Variants in TTR observed in about 807,000 individuals in gnomAD.
TTR encodes the protein transthyretin, also known as epididymis luminal protein 111.
TTR carries 8 observed loss-of-function variants against 13.7 expected under a neutral mutation model. The observed-to-expected ratio is 0.58, with a 90% CI of 0.34 to 1.05. The LOEUF is 1.05. Among genes scored for constraint, TTR ranks in the 50% least tolerant of loss-of-function variants. TTR has a pLI of 0.02. For missense variants in TTR, 135 were observed against 185.5 expected (o/e 0.73, Z 1.58); for synonymous variants, 75 against 71.7 (o/e 1.05, Z -0.23).
Position 31,595,131 on chromosome 18 carries a change from A to T in TTR, c.212A>T (p.Glu71Val). The T allele has an allele frequency of 6.2e-7, 1 of 1,614,136 alleles. No individual in the cohort carries two copies. Residue 71 changes from glutamate (E) to valine (V), a missense_variant, in exon 3 of 4, where the codon GAG (glutamate) becomes GTG (valine). By Grantham distance (121) the Glu-to-Val change is moderately radical. Coordinates refer to ENST00000237014, the MANE Select transcript of TTR (RefSeq NM_000371.4). ...WEPFASGKTS[E>V]SGELHGLTTE... ...TTCACACCTTATAGGAAAACCAGTG[A>T]GTCTGGAGAGCTGCATGGGCTCACA... is the stretch of plus-strand genomic sequence containing the variant.
intron 3 of TTR, chr18:31,595,794 A>G (rs764965129): frequency 3.4e-6 from 1 of 290,474 alleles, no homozygotes; most frequent in Non-Finnish European, 6.7e-6. Context: ...TGTTTTCCAT[A>G]TTTAACCTAC....
chr18:31,595,395 T>A, intron 3 of TTR, 140 bp downstream of exon 3: 1 of 1,234,378 alleles, frequency 8.1e-7, no homozygotes, highest in Non-Finnish European at 1.2e-6. Flanking sequence ...TTTCCTATTA[T>A]ACAAGAAAAA....
chr18:31,592,659 T>A (rs1191192846), intron 1 of TTR, among the ~76,000 whole-genome samples: 1 of 152,204 alleles, frequency 6.6e-6, no homozygotes, highest in Admixed American at 6.5e-5. Context: ...TAAAATTCAT[T>A]ATACACATCC....
At chr18:31,592,818 A>G in intron 1 of TTR, 78 bp from the exon 2 acceptor site, 1 of 1,594,830 alleles carries the variant, frequency 6.3e-7, no homozygotes, top group East Asian at 2.3e-5. Context: ...TTCGCTCCAG[A>G]TTTCTAATAC....
In TTR at chr18:31,595,208, T is replaced by C; in HGVS notation, c.289T>C (p.Ser97Pro). 6.2e-7 allele frequency: 1 copy of C among 1,614,138 alleles called. No individual in the cohort carries two copies. Among genetic ancestry groups the C allele is most frequent in the African/African-American group, 1.3e-5 (1 of 75,024 alleles). Residue 97 changes from serine to proline, a missense_variant, in exon 3 of 4, where the codon TCT becomes CCT. Ser to Pro is a moderately conservative substitution (Grantham distance 74). Transcript: ENST00000237014. ...GIYKVEIDTK[S>P]YWKALGISPF... ...ATACAAAGTGGAAATAGACACCAAA[T>C]CTTACTGGAAGGCACTTGGCATCTC...
intron 3 of TTR, 74 bp from the exon 4 acceptor site, chr18:31,598,494 T>C: frequency 7.2e-7 from 1 of 1,393,178 alleles, no homozygotes; most frequent in Non-Finnish European, 1.0e-6. Context: ...GGACTTCCGG[T>C]GGTCAGTCAT....
intron 3 of TTR, among the ~76,000 whole-genome samples, chr18:31,596,745 C>T (rs971589334): frequency 6.6e-6 from 1 of 151,784 alleles, no homozygotes; most frequent in Non-Finnish European, 1.5e-5. Flanking sequence ...GAAAATACAT[C>T]CCGACCCTTG....
chr18:31,595,323 C>T (rs765022614), intron 3 of TTR, 68 bp downstream of exon 3: 88 of 1,591,796 alleles, frequency 5.5e-5, no homozygotes, highest in Non-Finnish European at 1.4e-5. Flanking sequence ...AGGAAATGCA[C>T]AGTTTTACTC....
At chr18:31,597,785 T>G (rs1243521220) in intron 3 of TTR, among the ~76,000 whole-genome samples, 2 of 152,184 alleles carry the variant, frequency 1.3e-5, no homozygotes, top group African/African-American at 4.8e-5. Context: ...GTCGCAGATA[T>G]TCTACTGATT....
chr18:31,596,764 G>A (rs1339134083), intron 3 of TTR, among the ~76,000 whole-genome samples: 2 of 152,142 alleles, frequency 1.3e-5, no homozygotes, highest in East Asian at 3.9e-4. Flanking sequence ...TGGAATGGAA[G>A]GGAAAGGACT....
chr18:31,595,495 A>C (rs1051847555), intron 3 of TTR: 7 of 639,194 alleles, frequency 1.1e-5, no homozygotes, highest in Admixed American at 4.2e-5. Flanking sequence ...AACTACTCAT[A>C]GTCTATTCAT....
In TTR at chr18:31,592,811, G is replaced by A. The variant is rs568081089; in HGVS notation, c.70-85G>A. ...GGGATCAGTGTGTAATTCTTGTTTCGCTCCAGATTTCTAATACCACAAAGA... is the reference window on the plus strand; with the variant it reads ...GGGATCAGTGTGTAATTCTTGTTTCACTCCAGATTTCTAATACCACAAAGA... On this transcript the variant is annotated intron_variant, in intron 1 of 3. Transcript: ENST00000237014. 59 of 1,572,524 alleles carry A rather than the reference G, an allele frequency of 3.8e-5. No homozygotes were observed. In the African/African-American group the frequency reaches 6.8e-4, roughly 18 times the overall value.
At chr18:31,594,207 T>C (rs113413935) in intron 2 of TTR, among the ~76,000 whole-genome samples, 48 of 152,082 alleles carry the variant, frequency 3.2e-4, no homozygotes, top group African/African-American at 1.1e-3. Context: ...TAAAGACAAC[T>C]GCTATTTTTA....
At chr18:31,595,298 T>C in intron 3 of TTR, 43 bp downstream of exon 3, 1 of 1,613,838 alleles carries the variant, frequency 6.2e-7, no homozygotes, top group Non-Finnish European at 8.5e-7. Context: ...TTTTGGTTTT[T>C]GCTTTTGGCA....
intron 3 of TTR, chr18:31,595,903 G>A (rs961821255): frequency 5.7e-6 from 1 of 175,654 alleles, no homozygotes; most frequent in South Asian, 1.3e-4. Context: ...ACTTGTCAAA[G>A]GTCACAAGAC....
In TTR at chr18:31,595,625, G is replaced by A. The variant is rs189110087; in HGVS notation, c.336+370G>A. The stretch of plus-strand genomic sequence containing the variant: ...GCACCATTTTATTTCTCGAAAACCC[G>A]TAACATTCTTCATTCCAAAACACAT... On this transcript the variant is annotated intron_variant, in intron 3 of 3. Transcript: ENST00000237014. 1,619 of 368,398 alleles carry A rather than the reference G, an allele frequency of 4.4e-3. 12 individuals carry two copies. Among genetic ancestry groups the A allele is most frequent in the Non-Finnish European group, 5.9e-3 (1,130 of 190,116 alleles). The allele number at this position is 368,398 out of a possible 1,614,324, so 22.8% of individuals were successfully genotyped here.
intron 3 of TTR, among the ~76,000 whole-genome samples, chr18:31,596,836 C>A (rs2073519247): frequency 6.6e-6 from 1 of 152,136 alleles, no homozygotes; most frequent in Non-Finnish European, 1.5e-5. Context: ...ATACGGAGAA[C>A]AAGAGAGAGC....
At chr18:31,598,170 T>G (rs1011368142) in intron 3 of TTR, 3 of 338,898 alleles carry the variant, frequency 8.9e-6, no homozygotes, top group Admixed American at 4.0e-5. Context: ...GAATGCTAAA[T>G]CTCTAAGTCT....
In TTR at chr18:31,595,180, G is replaced by T. The variant is rs1331647104; in HGVS notation, c.261G>T (p.Gly87=). Residue 87 remains glycine (G), a synonymous_variant, in exon 3 of 4, where the codon GGG becomes GGT. Coordinates refer to ENST00000237014, the MANE Select transcript of TTR (RefSeq NM_000371.4). ...CAACTGAGGAGGAATTTGTAGAAGG[G>T]ATATACAAAGTGGAAATAGACACCA... ...GLTTEEEFVE[G]IYKVEIDTKS... is the part of the protein sequence containing the mutation. The T allele has an allele frequency of 6.8e-6, 11 of 1,613,966 alleles. 1 individual carries two copies. In the South Asian group the frequency reaches 1.1e-4, roughly 16 times the overall value.
Sources: allele counts gnomAD v4.1 joint callset (sites outside exome capture counted in the v4.1 genomes callset), GRCh38; gene constraint gnomAD v4.1.1; transcripts MANE v1.5; gene names NCBI Gene and HGNC (gene_info 2026-07-23, HGNC 2026-07-21).